Variants in PRIMA1 observed in about 807,000 individuals in gnomAD.
PRIMA1 encodes the protein proline-rich membrane anchor 1.
Under a neutral mutation model 17.5 loss-of-function variants are expected in PRIMA1, and 7 were observed. The observed-to-expected ratio is 0.40, with a 90% confidence interval of 0.23 to 0.75. PRIMA1 has a LOEUF of 0.75. Ranked by LOEUF, PRIMA1 falls within the 30% of genes least tolerant of loss-of-function variation. PRIMA1 has a pLI of 0.37. For synonymous variants in PRIMA1, 97 were observed against 77.9 expected, an observed-to-expected ratio of 1.25 and a Z score of -1.29; for missense variants, 200 against 201.8, an observed-to-expected ratio of 0.99 and a Z score of 0.05.
At chr14:93,757,281 C>T (rs1237005454) in intron 3 of PRIMA1, among the ~76,000 whole-genome samples, 4 of 152,134 alleles carry the variant, frequency 2.6e-5, no homozygotes, top group Non-Finnish European at 5.9e-5. Context: ...CCCTCTGACA[C>T]GGCCGCACTT....
chr14:93,737,164 C>A, intron 4 of PRIMA1, 77 bp downstream of exon 4: 1 of 1,395,864 alleles, frequency 7.2e-7, no homozygotes, highest in Non-Finnish European at 1.0e-6. Context: ...AATAATGATA[C>A]GGGATGTGTG....
chr14:93,764,643 A>C (rs1311507333), intron 3 of PRIMA1, among the ~76,000 whole-genome samples: 1 of 152,072 alleles, frequency 6.6e-6, no homozygotes, highest in African/African-American at 2.4e-5. Flanking sequence ...ACTGCTCCTT[A>C]AATATGTTAT....
intron 3 of PRIMA1, among the ~76,000 whole-genome samples, chr14:93,755,256 C>T (rs2076283888): frequency 6.6e-6 from 1 of 152,148 alleles, no homozygotes; most frequent in Non-Finnish European, 1.5e-5. Flanking sequence ...AGTGCGAGCA[C>T]CCTGCACACG....
intron 2 of PRIMA1, among the ~76,000 whole-genome samples, chr14:93,782,178 G>T (rs373277736): frequency 6.6e-6 from 1 of 151,832 alleles, no homozygotes; most frequent in South Asian, 2.1e-4. Context: ...TGAGGCAGGA[G>T]AATGGCGTGA....
At chr14:93,738,842 C>A (rs2141162395) in intron 3 of PRIMA1, among the ~76,000 whole-genome samples, 1 of 152,316 alleles carries the variant, frequency 6.6e-6, no homozygotes. Flanking sequence ...CCTGGGGCAA[C>A]CACTATTCTG....
rs142716865 is a variant in PRIMA1, at chr14:93,755,007, A to G, written c.230-17637T>C. On this transcript the variant is annotated intron_variant, in intron 3 of 4. Coordinates refer to ENST00000393140, the MANE Select transcript of PRIMA1 (RefSeq NM_178013.4). ...TGGCTCCTCACCAGGAAGTGAGGTG[A>G]GGTCTCGAAAGCTCTCTGGGAACTG... 6.1e-4 allele frequency among the ~76,000 whole-genome samples: 93 copies of G among 152,290 alleles called. 1 individual carries two copies. The highest frequency in any genetic ancestry group is 2.2e-3 in the African/African-American group (92 of 41,566).
Position 93,761,045 on chromosome 14 carries a change from G to GA in PRIMA1, c.229+18130dup, listed in dbSNP as rs201884906. Among the ~76,000 whole-genome samples, 1,462 of 150,936 alleles carry GA rather than the reference G, an allele frequency of 9.7e-3. 11 individuals carry two copies. Among genetic ancestry groups the GA allele is most frequent in the Non-Finnish European group, 0.015 (986 of 67,654 alleles). On this transcript the variant is annotated intron_variant, in intron 3 of 4. Transcript: ENST00000393140. ...TCTTCAACAGTTTTCCATAGCACTT[G>GA]AAAAAAAAACCCACCTCTGGCTGGG...
intron 3 of PRIMA1, among the ~76,000 whole-genome samples, chr14:93,750,567 A>G (rs2076253512): frequency 6.6e-6 from 1 of 152,202 alleles, no homozygotes; most frequent in Admixed American, 6.5e-5. Flanking sequence ...TTATAAATAA[A>G]GTTTTACTGA....
intron 2 of PRIMA1, among the ~76,000 whole-genome samples, chr14:93,779,682 A>G (rs1885324558): frequency 6.6e-6 from 1 of 151,978 alleles, no homozygotes; most frequent in African/African-American, 2.4e-5. Context: ...GGAGAGTGAG[A>G]CCCTTTGCTT....
chr14:93,743,853 C>T lies in PRIMA1; in HGVS notation c.230-6483G>A, dbSNP rs115310220. On this transcript the variant is annotated intron_variant, in intron 3 of 4. Transcript: ENST00000393140. ...CACCAAAGTGTCTTGAGGAAACTGTCCAGAATGTCACGGAAAAGTGCAAAT... is the reference window on the plus strand; with the variant it reads ...CACCAAAGTGTCTTGAGGAAACTGTTCAGAATGTCACGGAAAAGTGCAAAT... 6.1e-3 allele frequency among the ~76,000 whole-genome samples: 927 copies of T among 152,324 alleles called. 6 individuals are homozygous for T. Among genetic ancestry groups the T allele is most frequent in the African/African-American group, 0.021 (886 of 41,572 alleles).
Position 93,737,502 on chromosome 14 carries a change from C to T in PRIMA1, c.230-132G>A, listed in dbSNP as rs549490877. On this transcript the variant is annotated intron_variant, in intron 3 of 4. Coordinates refer to ENST00000393140, the MANE Select transcript of PRIMA1 (RefSeq NM_178013.4). ...CTGGTGGGACCATCATGGGTGACACCAACAGAGGCGTGGGGAGGTCACTGG... is the reference window on the plus strand; with the variant it reads ...CTGGTGGGACCATCATGGGTGACACTAACAGAGGCGTGGGGAGGTCACTGG... The T allele has an allele frequency of 2.5e-4, 259 of 1,037,202 alleles. No individual in the cohort carries two copies. The African/African-American group carries it at 3.2e-3, about 13-fold the overall frequency. The allele number at this position is 1,037,202 out of a possible 1,614,324, so 64.2% of individuals were successfully genotyped here.
At chr14:93,771,186 C>T (rs902206891) in intron 3 of PRIMA1, among the ~76,000 whole-genome samples, 8 of 151,996 alleles carry the variant, frequency 5.3e-5, no homozygotes, top group Admixed American at 1.3e-4. Context: ...GGATGCAGGG[C>T]GGTATGGTTT....
At chr14:93,733,415 G>A (rs953060508) in intron 4 of PRIMA1, among the ~76,000 whole-genome samples, 2 of 152,218 alleles carry the variant, frequency 1.3e-5, no homozygotes, top group African/African-American at 4.8e-5. Context: ...GCCAGGCCTT[G>A]GACACAGATG....
At chr14:93,770,206 C>T (rs1885017942) in intron 3 of PRIMA1, among the ~76,000 whole-genome samples, 1 of 152,184 alleles carries the variant, frequency 6.6e-6, no homozygotes, top group Non-Finnish European at 1.5e-5. Context: ...ATGGCAACAG[C>T]CTCCTCACTG....
chr14:93,765,609 T>C (rs1884873458), intron 3 of PRIMA1, among the ~76,000 whole-genome samples: 1 of 151,982 alleles, frequency 6.6e-6, no homozygotes, highest in African/African-American at 2.4e-5. Flanking sequence ...GCCACACAGC[T>C]ACAGCATGGC....
At position 93,756,518 on chromosome 14, in the gene PRIMA1, T is replaced by C. The variant is rs558825002; in HGVS notation, c.230-19148A>G. On this transcript the variant is annotated intron_variant, in intron 3 of 4. Coordinates refer to ENST00000393140, the MANE Select transcript of PRIMA1 (RefSeq NM_178013.4). ...AGGGTGGGCAGGAGGAAAGGTCCTA[T>C]AGCTCCTGGCCCCGGACCCCGACCC... 6.1e-4 allele frequency among the ~76,000 whole-genome samples: 93 copies of C among 152,284 alleles called. 1 individual carries two copies. Among genetic ancestry groups the C allele is most frequent in the African/African-American group, 2.2e-3 (92 of 41,556 alleles).
chr14:93,741,383 G>C (rs2076183382), intron 3 of PRIMA1, among the ~76,000 whole-genome samples: 1 of 152,192 alleles, frequency 6.6e-6, no homozygotes, highest in African/African-American at 2.4e-5. Flanking sequence ...CCCTCCCATG[G>C]GGTGTGGCCA....
chr14:93,761,853 A>G (rs907025314), intron 3 of PRIMA1, among the ~76,000 whole-genome samples: 1 of 152,204 alleles, frequency 6.6e-6, no homozygotes, highest in Non-Finnish European at 1.5e-5. Context: ...GTTCTTAACT[A>G]TGAAAATTAG....
At chr14:93,777,224 T>C (rs1475780466) in intron 3 of PRIMA1, among the ~76,000 whole-genome samples, 3 of 152,206 alleles carry the variant, frequency 2.0e-5, no homozygotes, top group Non-Finnish European at 1.5e-5. Context: ...ACTGAAGGGC[T>C]TGTGACTCTC....
Sources: allele counts gnomAD v4.1 joint callset (sites outside exome capture counted in the v4.1 genomes callset), GRCh38; gene constraint gnomAD v4.1.1; transcripts MANE v1.5; gene names NCBI Gene and HGNC (gene_info 2026-07-23, HGNC 2026-07-21).